The following RYR2 variants were observed in gnomAD, a reference collection of about 807,000 sequenced individuals.
RYR2 encodes cardiac muscle ryanodine receptor-calcium release channel.
A neutral mutation model predicts 601.1 loss-of-function variants in RYR2; 227 were observed. The ratio of observed to expected loss-of-function variants is 0.38; its 90% CI spans 0.34 to 0.42. RYR2 has a LOEUF of 0.42. Ranked by LOEUF, RYR2 falls within the 10% of genes least tolerant of loss-of-function variation. RYR2 has a pLI of 1.00. For missense variants in RYR2, 4,646 were observed against 6,156.5 expected (o/e 0.75, Z 8.21); for synonymous variants, 2,223 against 2,175.1 (o/e 1.02, Z -0.61).
intron 58 of RYR2, among the ~76,000 whole-genome samples, chr1:237,670,162 G>A (rs896255054): frequency 1.6e-4 from 25 of 151,740 alleles, no homozygotes; most frequent in East Asian, 9.7e-4. Flanking sequence ...GGCGGCGCGC[G>A]CCTGCAATCG....
chr1:237,538,394 C>CAA lies in RYR2; in HGVS notation c.2906+7916_2906+7917dup, dbSNP rs10551995. 7.9e-3 allele frequency among the ~76,000 whole-genome samples: 260 copies of CAA among 32,918 alleles called. 27 individuals carry two copies. The highest frequency in any genetic ancestry group is 0.016 in the African/African-American group (122 of 7,524). 21.6% of individuals were successfully genotyped at this position (32,918 alleles called of 152,430 possible). ...TGGGTGACAGAGCAAGACTCTGTCT[C>CAA]AAAAAAAAAAAAAAAAAAAAAAAAA... On this transcript the variant is annotated intron_variant, in intron 25 of 104. Transcript: ENST00000366574.
intron 27 of RYR2, among the ~76,000 whole-genome samples, 173 bp from the exon 28 acceptor site, chr1:237,566,394 T>C (rs549034273): frequency 6.6e-6 from 1 of 152,178 alleles, no homozygotes; most frequent in Non-Finnish European, 1.5e-5. Context: ...TGATCCTAGA[T>C]CAGAAAGCAC....
intron 24 of RYR2, among the ~76,000 whole-genome samples, chr1:237,530,176 TGGC>T (rs1288346696): frequency 6.6e-6 from 1 of 151,988 alleles, no homozygotes; most frequent in Non-Finnish European, 1.5e-5. Context: ...CCGGGTGTGG[TGGC>T]GGGCACCTGT....
intron 2 of RYR2, among the ~76,000 whole-genome samples, chr1:237,314,574 C>T (rs550837573): frequency 6.6e-6 from 1 of 152,208 alleles, no homozygotes; most frequent in African/African-American, 2.4e-5. Context: ...TTTTATTGAG[C>T]ACATATCAAT....
intron 48 of RYR2, among the ~76,000 whole-genome samples, chr1:237,644,993 C>T (rs1681978194): frequency 6.6e-6 from 1 of 152,158 alleles, no homozygotes; most frequent in African/African-American, 2.4e-5. Context: ...CGAGATTGCA[C>T]CACTTCATTC....
rs1015721132 is a variant in RYR2, at chr1:237,801,924, T to C, written c.14151+8T>C. ...GTCGTTTTCACTGACAACGTAAGCC[T>C]ACTTCATTATCACAAAAGAAAATGC... On this transcript the variant is annotated splice_region_variant and intron_variant, in intron 98 of 104. Transcript: ENST00000366574. The C allele has an allele frequency of 6.5e-7, 1 of 1,542,774 alleles. No homozygotes were observed. The highest frequency in any genetic ancestry group is 1.4e-5 in the African/African-American group (1 of 73,246).
chr1:237,434,782 CT>C (rs1005168229), intron 12 of RYR2, among the ~76,000 whole-genome samples: 32 of 151,564 alleles, frequency 2.1e-4, no homozygotes, highest in African/African-American at 4.8e-4. Context: ...AAATATAAAA[CT>C]TTTTTTTTGA....
rs867464111 is a variant in RYR2 at position 237,416,962 on chromosome 1, C to T, written c.774-87C>T. The T allele has an allele frequency of 1.1e-4, 123 of 1,154,642 alleles. No individual in the cohort carries two copies. The Middle Eastern group carries it at 2.9e-3, about 27-fold the overall frequency. 71.5% of individuals were successfully genotyped at this position (1,154,642 alleles called of 1,614,324 possible). A position where few individuals can be genotyped will look rare whatever the true frequency, so the allele number is the denominator to read the frequency against. ...GTTTACTCACAGGCCATTTGCTTTTCTCTCCTAATTAGCTTCAAAAAATTA... is the reference window on the plus strand; with the variant it reads ...GTTTACTCACAGGCCATTTGCTTTTTTCTCCTAATTAGCTTCAAAAAATTA... On this transcript the variant is annotated intron_variant, in intron 10 of 104. Coordinates refer to ENST00000366574, the MANE Select transcript of RYR2 (RefSeq NM_001035.3).
chr1:237,745,670 TAAGGAC>T (rs1692012866), intron 80 of RYR2, among the ~76,000 whole-genome samples: 1 of 152,150 alleles, frequency 6.6e-6, no homozygotes, highest in Admixed American at 6.5e-5. Context: ...CAGGCCAGAC[TAAGGAC>T]AAGAAGTCAA....
intron 1 of RYR2, among the ~76,000 whole-genome samples, chr1:237,226,001 G>A (rs559060333): frequency 6.6e-6 from 1 of 151,704 alleles, no homozygotes; most frequent in African/African-American, 2.4e-5. Context: ...GTTGCAGTGA[G>A]CAGAGATTGT....
chr1:237,275,120 C>T (rs771457956), intron 2 of RYR2, among the ~76,000 whole-genome samples: 1 of 151,054 alleles, frequency 6.6e-6, no homozygotes, highest in Non-Finnish European at 1.5e-5. Context: ...ACATACACAC[C>T]GCACACATAA....
In RYR2 at chr1:237,358,996, T is replaced by G. The variant is rs1454633834; in HGVS notation, c.294+3011T>G. On this transcript the variant is annotated intron_variant, in intron 4 of 104. Transcript: ENST00000366574. ...TTGCAGCCACCCTCTTTGACATCCC[T>G]GCTTAGGTGGCATAACAATATGTTT... 2.0e-5 allele frequency among the ~76,000 whole-genome samples: 3 copies of G among 152,128 alleles called. No homozygotes were observed. In the East Asian group the frequency reaches 5.8e-4, roughly 29 times the overall value.
chr1:237,395,212 A>G (rs1185497509), intron 10 of RYR2, among the ~76,000 whole-genome samples: 2 of 152,224 alleles, frequency 1.3e-5, no homozygotes, highest in African/African-American at 4.8e-5. Context: ...GAAGCCATTT[A>G]TAATTTTGGT....
intron 1 of RYR2, among the ~76,000 whole-genome samples, chr1:237,135,831 T>C (rs1414655979): frequency 1.3e-5 from 2 of 152,242 alleles, no homozygotes; most frequent in Non-Finnish European, 2.9e-5. Flanking sequence ...CTATGCTGAA[T>C]GCAGCCTTTT....
At chr1:237,120,209 G>A (rs1431955587) in intron 1 of RYR2, among the ~76,000 whole-genome samples, 1 of 152,084 alleles carries the variant, frequency 6.6e-6, no homozygotes, top group Non-Finnish European at 1.5e-5. Flanking sequence ...ATGAGGTAAT[G>A]TATTGTTTAT....
intron 5 of RYR2, among the ~76,000 whole-genome samples, chr1:237,367,696 T>G (rs957790548): frequency 6.6e-6 from 1 of 152,198 alleles, no homozygotes; most frequent in African/African-American, 2.4e-5. Context: ...CCTTCCATGG[T>G]CTTTCCCTGA....
chr1:237,346,903 G>C (rs1279613310), intron 3 of RYR2, among the ~76,000 whole-genome samples: 2 of 152,090 alleles, frequency 1.3e-5, no homozygotes, highest in African/African-American at 2.4e-5. Context: ...TGTCATGTCT[G>C]TCTGTTCTAA....
chr1:237,170,440 A>G (rs964870564), intron 1 of RYR2, among the ~76,000 whole-genome samples: 1 of 152,200 alleles, frequency 6.6e-6, no homozygotes, highest in African/African-American at 2.4e-5. Context: ...GATAACACTG[A>G]GAGCTGTGAC....
At chr1:237,546,633 G>A (rs900154704) in intron 25 of RYR2, among the ~76,000 whole-genome samples, 6 of 151,938 alleles carry the variant, frequency 3.9e-5, no homozygotes, top group Middle Eastern at 3.4e-3. Flanking sequence ...CACCTGCCTC[G>A]GCCTCCCAAA....
Sources: allele counts gnomAD v4.1 joint callset (sites outside exome capture counted in the v4.1 genomes callset), GRCh38; gene constraint gnomAD v4.1.1; transcripts MANE v1.5; gene names NCBI Gene and HGNC (gene_info 2026-07-23, HGNC 2026-07-21).